NUMB: variants seen among roughly 807,000 people sequenced by gnomAD.
NUMB encodes NUMB endocytic adaptor protein.
In NUMB, 29 loss-of-function variants were observed where a neutral mutation model predicts 59.7. The ratio of observed to expected loss-of-function variants is 0.49; its 90% confidence interval spans 0.36 to 0.66. NUMB has a LOEUF of 0.66. NUMB is among the 30% of genes least tolerant of loss of function. NUMB has a pLI of 0.00. For synonymous variants in NUMB, 288 were observed against 288.2 expected (o/e 1.00, Z 0.01); for missense variants, 723 against 822.0 (o/e 0.88, Z 1.47).
intron 1 of NUMB, among the ~76,000 whole-genome samples, chr14:73,452,567 G>C (rs1481550346): frequency 6.6e-6 from 1 of 152,156 alleles, no homozygotes; most frequent in Non-Finnish European, 1.5e-5. Context: ...GGGAGAAACA[G>C]GGTTTTCGTG....
At chr14:73,280,083 G>C (rs1354684620) in intron 11 of NUMB, among the ~76,000 whole-genome samples, 1 of 152,076 alleles carries the variant, frequency 6.6e-6, no homozygotes, top group Admixed American at 6.5e-5. Flanking sequence ...CTTGAACCCG[G>C]GAGGCGGAGG....
chr14:73,312,630 CCT>C (rs1160815275), intron 6 of NUMB, among the ~76,000 whole-genome samples: 2 of 151,794 alleles, frequency 1.3e-5, no homozygotes, highest in Non-Finnish European at 2.9e-5. Flanking sequence ...GGGAGGATCC[CCT>C]GAGCCTGGGA....
At chr14:73,436,851 T>G (rs1898075320) in intron 1 of NUMB, among the ~76,000 whole-genome samples, 1 of 150,772 alleles carries the variant, frequency 6.6e-6, no homozygotes, top group African/African-American at 2.4e-5. Flanking sequence ...TGGTGGTGCC[T>G]GCCTGTAATC....
chr14:73,300,691 G>A (rs1014534461), intron 6 of NUMB, among the ~76,000 whole-genome samples: 1 of 152,122 alleles, frequency 6.6e-6, no homozygotes, highest in Non-Finnish European at 1.5e-5. Flanking sequence ...GTATACGAAA[G>A]GTTTAGAACA....
At chr14:73,414,459 T>C (rs1474410575) in intron 1 of NUMB, among the ~76,000 whole-genome samples, 1 of 152,142 alleles carries the variant, frequency 6.6e-6, no homozygotes, top group African/African-American at 2.4e-5. Context: ...AGTGGTGTGA[T>C]CATGGCTCAC....
In NUMB at chr14:73,282,498, T is replaced by G; in HGVS notation, c.957A>C (p.Glu319Asp). 1 of 1,612,846 alleles carries G rather than the reference T, an allele frequency of 6.2e-7. No individual in the cohort carries two copies. The highest frequency in any genetic ancestry group is 8.5e-7 in the Non-Finnish European group (1 of 1,179,542). ...TGATGCTCTCTGCCTCCCCTTCTACTTCTGGCACTGCAAGGCAAACAGAAA... is the reference window on the plus strand; with the variant it reads ...TGATGCTCTCTGCCTCCCCTTCTACGTCTGGCACTGCAAGGCAAACAGAAA... ...TDFPIKNAVP[E>D]VEGEAESISS... The change falls in exon 11 of 13, where the codon GAA becomes GAC. Residue 319 changes from glutamate (E) to aspartate (D), a missense_variant. Glu to Asp is a conservative substitution (Grantham distance 45, BLOSUM62 2). Around this residue, in one of 2 missense-constraint regions of NUMB, gnomAD observed 317 missense variants for 436.6 expected, o/e 0.73. Coordinates refer to ENST00000555238, the MANE Select transcript of NUMB (RefSeq NM_001005743.2).
intron 6 of NUMB, among the ~76,000 whole-genome samples, chr14:73,302,474 T>C (rs570753999): frequency 6.6e-6 from 1 of 150,724 alleles, no homozygotes; most frequent in Admixed American, 6.7e-5. Context: ...TGGAGCAATT[T>C]AGTCTCACTG....
chr14:73,433,551 G>C (rs1210825765), intron 1 of NUMB, among the ~76,000 whole-genome samples: 2 of 152,104 alleles, frequency 1.3e-5, no homozygotes, highest in African/African-American at 4.8e-5. Context: ...CATTTTCAGA[G>C]TCTCACAAAG....
chr14:73,360,385 GTC>G (rs1180515145), intron 3 of NUMB, among the ~76,000 whole-genome samples: 5 of 152,152 alleles, frequency 3.3e-5, no homozygotes, highest in Admixed American at 6.5e-5. Context: ...GTGAAACCCT[GTC>G]TCTACTAAAA....
chr14:73,347,379 C>T (rs563311618), intron 4 of NUMB, among the ~76,000 whole-genome samples: 1 of 152,188 alleles, frequency 6.6e-6, no homozygotes, highest in Admixed American at 6.5e-5. Flanking sequence ...CCTGAGAAAC[C>T]ATCACCACAA....
At chr14:73,433,999 A>G (rs2140173749) in intron 1 of NUMB, among the ~76,000 whole-genome samples, 1 of 152,288 alleles carries the variant, frequency 6.6e-6, no homozygotes, top group Non-Finnish European at 1.5e-5. Flanking sequence ...AGGCTGAGGC[A>G]GGAGAATCGC....
intron 1 of NUMB, among the ~76,000 whole-genome samples, chr14:73,453,671 G>C (rs1040054859): frequency 3.4e-5 from 5 of 148,634 alleles, no homozygotes; most frequent in Admixed American, 2.0e-4. Flanking sequence ...GCAGTGGCGC[G>C]ATCTCAGCTC....
chr14:73,307,435 G>C (rs1463541639), intron 6 of NUMB, among the ~76,000 whole-genome samples: 1 of 152,062 alleles, frequency 6.6e-6, no homozygotes, highest in African/African-American at 2.4e-5. Context: ...AAGGGAAAGA[G>C]ATGAGGAAGT....
At chr14:73,299,969 T>G (rs550607434) in intron 6 of NUMB, among the ~76,000 whole-genome samples, 2 of 152,204 alleles carry the variant, frequency 1.3e-5, no homozygotes, top group African/African-American at 4.8e-5. Context: ...GTAAAATATT[T>G]GTAGTTTGTT....
At chr14:73,410,170 G>A (rs1373342629) in intron 1 of NUMB, 102 bp from the exon 2 acceptor site, 2 of 152,198 alleles carry the variant, frequency 1.3e-5, no homozygotes, top group East Asian at 1.9e-4. Flanking sequence ...AGTTGGTTAC[G>A]ATATATGGAA....
At chr14:73,322,507 G>A (rs1442584231) in intron 5 of NUMB, among the ~76,000 whole-genome samples, 3 of 152,090 alleles carry the variant, frequency 2.0e-5, no homozygotes, top group Non-Finnish European at 2.9e-5. Flanking sequence ...AGGAGTCAAG[G>A]TAATAGTAAG....
chr14:73,433,402 AC>A (rs1162876236), intron 1 of NUMB, among the ~76,000 whole-genome samples: 1 of 152,130 alleles, frequency 6.6e-6, no homozygotes, highest in Non-Finnish European at 1.5e-5. Context: ...GGCCTGGGTG[AC>A]AGAGCCAGAC....
intron 8 of NUMB, among the ~76,000 whole-genome samples, chr14:73,288,419 CG>C (rs1450877767): frequency 3.3e-5 from 5 of 151,774 alleles, no homozygotes; most frequent in South Asian, 2.1e-4. Flanking sequence ...GATGTGGTGG[CG>C]GGTGCCTGTA....
intron 1 of NUMB, among the ~76,000 whole-genome samples, chr14:73,424,010 C>T (rs1897472915): frequency 6.9e-6 from 1 of 144,306 alleles, no homozygotes. Context: ...TATTTTGATA[C>T]ATGACAGAAT....
Sources: allele counts gnomAD v4.1 joint callset (sites outside exome capture counted in the v4.1 genomes callset), GRCh38; gene constraint gnomAD v4.1.1; regional missense constraint gnomAD v4.1.1; transcripts MANE v1.5; gene names NCBI Gene and HGNC (gene_info 2026-07-23, HGNC 2026-07-21).